Variants in GDPD4 observed in about 807,000 individuals in gnomAD.
GDPD4 encodes the protein glycerophosphodiester phosphodiesterase 6.
In GDPD4, 60 loss-of-function variants were observed where a neutral mutation model predicts 67.8. That is an observed-to-expected ratio of 0.88 (90% CI 0.72 to 1.10). The LOEUF is 1.10. Ranked by LOEUF, GDPD4 falls within the 50% of genes least tolerant of loss-of-function variation. The probability of loss-of-function intolerance (pLI) is 0.00; values close to 1 mark genes in which losing one functional copy is unlikely to be tolerated. For missense variants in GDPD4, 623 were observed against 613.9 expected (o/e 1.01, Z -0.16); for synonymous variants, 212 against 210.9 (o/e 1.00, Z -0.04).
chr11:77,246,141 C>T (rs914968802), intron 11 of GDPD4, among the ~76,000 whole-genome samples: 1 of 152,062 alleles, frequency 6.6e-6, no homozygotes, highest in Non-Finnish European at 1.5e-5. Context: ...TTTAAAATAG[C>T]TGGGTGTGGA....
intron 14 of GDPD4, among the ~76,000 whole-genome samples, chr11:77,230,297 A>G (rs1432638931): frequency 6.6e-6 from 1 of 152,228 alleles, no homozygotes; most frequent in African/African-American, 2.4e-5. Flanking sequence ...GCTTAAGTCA[A>G]CTGTACTTGT....
chr11:77,293,607 T>C (rs540504413), intron 1 of GDPD4, among the ~76,000 whole-genome samples: 1 of 136,798 alleles, frequency 7.3e-6, no homozygotes, highest in Non-Finnish European at 1.6e-5. Flanking sequence ...AAAAAAAAAA[T>C]CAATAAACTT....
At chr11:77,280,387 G>C (rs151129107) in intron 3 of GDPD4, among the ~76,000 whole-genome samples, 1,956 of 151,368 alleles carry the variant, frequency 0.013, 14 homozygotes, top group Middle Eastern at 0.017. Context: ...AGCACAGGTG[G>C]TTATTAAACA....
intron 11 of GDPD4, among the ~76,000 whole-genome samples, chr11:77,254,048 G>A (rs1319098661): frequency 6.6e-6 from 1 of 152,160 alleles, no homozygotes; most frequent in Non-Finnish European, 1.5e-5. Flanking sequence ...ATGAAGGGGT[G>A]CTGTGGCTAC....
At chr11:77,267,480 A>G (rs1365772934) in intron 10 of GDPD4, among the ~76,000 whole-genome samples, 1 of 152,132 alleles carries the variant, frequency 6.6e-6, no homozygotes, top group Admixed American at 6.5e-5. Flanking sequence ...TGTTCTTGCT[A>G]TTTTTTAACT....
At chr11:77,236,001 T>C (rs1459667508) in intron 13 of GDPD4, among the ~76,000 whole-genome samples, 1 of 140,670 alleles carries the variant, frequency 7.1e-6, no homozygotes, top group Non-Finnish European at 1.5e-5. Context: ...ATTGAAGAGA[T>C]AGAATGAGAT....
At chr11:77,246,269 AGAGT>A (rs1958784024) in intron 11 of GDPD4, among the ~76,000 whole-genome samples, 1 of 152,164 alleles carries the variant, frequency 6.6e-6, no homozygotes, top group Non-Finnish European at 1.5e-5. Flanking sequence ...CCTGGGCAAT[AGAGT>A]GAGGCCCTGG....
At chr11:77,240,352 A>C (rs938515983) in intron 13 of GDPD4, among the ~76,000 whole-genome samples, 1 of 152,212 alleles carries the variant, frequency 6.6e-6, no homozygotes, top group African/African-American at 2.4e-5. Context: ...TAGTTAATTG[A>C]ATTTCAACAA....
Position 77,245,516 on chromosome 11 carries a change from C to A in GDPD4, c.865-14G>T. ...AAATGGCCTGAGCTAGAAACAAATA[C>A]ATCAAAAAATACATAAAAGCACTTT... is the stretch of plus-strand genomic sequence containing the variant. On this transcript the variant is annotated splice_polypyrimidine_tract_variant and intron_variant, in intron 11 of 16. Transcript: ENST00000315938. 1 of 1,589,420 alleles carries A rather than the reference C, an allele frequency of 6.3e-7. No individual in the cohort carries two copies. Among genetic ancestry groups the A allele is most frequent in the African/African-American group, 1.3e-5 (1 of 74,272 alleles).
intron 11 of GDPD4, among the ~76,000 whole-genome samples, chr11:77,250,636 T>C (rs942450452): frequency 6.6e-6 from 1 of 152,218 alleles, no homozygotes; most frequent in Non-Finnish European, 1.5e-5. Context: ...GTGTATTCCA[T>C]AGCTATTTTA....
Position 77,258,403 on chromosome 11 carries a change from AT to A in GDPD4, c.846del (p.Lys282AsnfsTer4). 1 of 1,614,138 alleles carries A rather than the reference AT, an allele frequency of 6.2e-7. No individual in the cohort carries two copies. The highest frequency in any genetic ancestry group is 8.5e-7 in the Non-Finnish European group (1 of 1,179,988). ...WDFLSTLNAG[K>X]WFVKPELRPF... Reference sequence around the variant, plus strand: ...TGTCTTACCTCTGGTTTTACAAACCATTTGCCTGCATTCAGAGTCGATAGGA... The same window carrying A: ...TGTCTTACCTCTGGTTTTACAAACCATTGCCTGCATTCAGAGTCGATAGGA... On this transcript the variant is annotated frameshift_variant, in exon 11 of 17. Transcript: ENST00000315938. LOFTEE classifies it high-confidence loss of function.
At chr11:77,225,091 T>TGAGA (rs926096971) in intron 16 of GDPD4, among the ~76,000 whole-genome samples, 3 of 151,480 alleles carry the variant, frequency 2.0e-5, no homozygotes, top group African/African-American at 7.3e-5. Flanking sequence ...GGCGAAAGAG[T>TGAGA]GAGACCTTGC....
chr11:77,253,629 G>A (rs186042564), intron 11 of GDPD4, among the ~76,000 whole-genome samples: 4 of 152,256 alleles, frequency 2.6e-5, no homozygotes, highest in Middle Eastern at 3.4e-3. Flanking sequence ...GCCATGGAAC[G>A]TGCAGTTGCT....
chr11:77,222,573 G>C (rs1278192274), intron 16 of GDPD4, among the ~76,000 whole-genome samples: 1 of 152,142 alleles, frequency 6.6e-6, no homozygotes, highest in African/African-American at 2.4e-5. Flanking sequence ...CTCTCTTCTG[G>C]CTTGTAAAGT....
chr11:77,245,109 T>G (rs768168431), intron 12 of GDPD4, among the ~76,000 whole-genome samples, 172 bp downstream of exon 12: 4 of 152,224 alleles, frequency 2.6e-5, no homozygotes, highest in Non-Finnish European at 5.9e-5. Context: ...AACTGGGTCA[T>G]TCCTAGATTA....
At chr11:77,231,966 G>A (rs1470785471) in intron 14 of GDPD4, among the ~76,000 whole-genome samples, 1 of 152,208 alleles carries the variant, frequency 6.6e-6, no homozygotes, top group Non-Finnish European at 1.5e-5. Context: ...CCTAGATGCA[G>A]TTACTGGCCC....
At position 77,243,785 on chromosome 11, in the gene GDPD4, C is replaced by T; in HGVS notation, c.1150G>A (p.Val384Met). The change falls in exon 13 of 17, where the codon GTG (valine) becomes ATG (methionine). Residue 384 changes from valine to methionine, a missense_variant. By Grantham distance (21) the Val-to-Met change is conservative. Coordinates refer to ENST00000315938, the MANE Select transcript of GDPD4 (RefSeq NM_182833.3). ...GTTTCAATGGATACTAAACGGCCCA[C>T]ATGCTGAAAACCAGGAGCCACGGAC... Reference protein sequence around the residue: ...VRSVAPGFQHVGRLVSIETLA... With the variant: ...VRSVAPGFQHMGRLVSIETLA... 1 of 1,613,468 alleles carries T rather than the reference C, an allele frequency of 6.2e-7. No homozygotes were observed. Among genetic ancestry groups the T allele is most frequent in the Non-Finnish European group, 8.5e-7 (1 of 1,179,426 alleles).
At chr11:77,228,212 G>C (rs1241177129) in intron 15 of GDPD4, among the ~76,000 whole-genome samples, 4 of 146,924 alleles carry the variant, frequency 2.7e-5, no homozygotes, top group African/African-American at 1.0e-4. Context: ...AATTAGCCAG[G>C]CATGGGCCAG....
intron 11 of GDPD4, among the ~76,000 whole-genome samples, chr11:77,255,646 G>A (rs1565525662): frequency 6.6e-6 from 1 of 152,002 alleles, no homozygotes; most frequent in Non-Finnish European, 1.5e-5. Context: ...AGATCACAAG[G>A]TCAGGAGTTC....
Sources: allele counts gnomAD v4.1 joint callset (sites outside exome capture counted in the v4.1 genomes callset), GRCh38; gene constraint gnomAD v4.1.1; transcripts MANE v1.5; gene names NCBI Gene and HGNC (gene_info 2026-07-23, HGNC 2026-07-21).